The following NRXN3 variants were observed in gnomAD, a reference collection of about 807,000 sequenced individuals.
The protein encoded by NRXN3 is neurexin III.
Under a neutral mutation model 137.6 loss-of-function variants are expected in NRXN3, and 32 were observed. The observed-to-expected ratio is 0.23, with a 90% confidence interval of 0.18 to 0.31. The LOEUF (loss-of-function observed/expected upper bound fraction) is 0.31, where lower values mean the gene tolerates loss of function less well. Among genes scored for constraint, NRXN3 ranks in the 10% least tolerant of loss-of-function variants. The pLI, the probability that NRXN3 is intolerant of heterozygous loss-of-function variation, is 1.00. For missense variants in NRXN3, 1,574 were observed against 2,062.5 expected (o/e 0.76, Z 4.59); for synonymous variants, 798 against 784.5 (o/e 1.02, Z -0.29).
chr14:79,532,978 T>G (rs753872099), intron 16 of NRXN3, among the ~76,000 whole-genome samples: 4 of 152,146 alleles, frequency 2.6e-5, no homozygotes, highest in Non-Finnish European at 5.9e-5. Flanking sequence ...GGTTATGATA[T>G]AAAGAGGAAA....
chr14:78,658,610 C>G (rs1281286616), intron 6 of NRXN3, among the ~76,000 whole-genome samples: 1 of 152,170 alleles, frequency 6.6e-6, no homozygotes, highest in Non-Finnish European at 1.5e-5. Context: ...GAAAATTATA[C>G]AACTTCTCTG....
chr14:78,791,374 C>G (rs960365620), intron 8 of NRXN3, among the ~76,000 whole-genome samples: 3 of 152,048 alleles, frequency 2.0e-5, no homozygotes, highest in Non-Finnish European at 2.9e-5. Flanking sequence ...AAAAGGGGTA[C>G]AACCCAATGT....
intron 15 of NRXN3, among the ~76,000 whole-genome samples, chr14:79,441,980 C>G (rs2095970718): frequency 1.3e-5 from 2 of 151,996 alleles, no homozygotes; most frequent in African/African-American, 2.4e-5. Context: ...CCATGCTTTT[C>G]TCATTTCTTC....
At chr14:78,511,817 G>T (rs1341085865) in intron 4 of NRXN3, among the ~76,000 whole-genome samples, 1 of 152,064 alleles carries the variant, frequency 6.6e-6, no homozygotes, top group Non-Finnish European at 1.5e-5. Flanking sequence ...AGGAGATCTG[G>T]TTCTAGAACC....
intron 19 of NRXN3, among the ~76,000 whole-genome samples, chr14:79,783,407 A>G (rs896482909): frequency 5.9e-5 from 9 of 152,180 alleles, no homozygotes; most frequent in Non-Finnish European, 1.0e-4. Context: ...ATTTTTAGAA[A>G]AGAGAGAGCT....
chr14:78,221,163 A>G (rs1055571644), intron 1 of NRXN3, among the ~76,000 whole-genome samples: 1 of 152,150 alleles, frequency 6.6e-6, no homozygotes, highest in African/African-American at 2.4e-5. Flanking sequence ...ATGATTGACT[A>G]TGCAGCCTCT....
At chr14:78,795,047 T>C (rs1312498221) in intron 8 of NRXN3, among the ~76,000 whole-genome samples, 3 of 152,166 alleles carry the variant, frequency 2.0e-5, no homozygotes, top group African/African-American at 4.8e-5. Context: ...TGAGCTATGA[T>C]TGTGCCACTG....
At chr14:79,105,864 C>T (rs748473111) in intron 15 of NRXN3, among the ~76,000 whole-genome samples, 24 of 152,084 alleles carry the variant, frequency 1.6e-4, no homozygotes, top group South Asian at 1.0e-3. Context: ...GATAAAAACA[C>T]GAATATTTAT....
Position 78,632,310 on chromosome 14 carries a change from A to G in NRXN3, c.758-12810A>G, listed in dbSNP as rs185026706. On this transcript the variant is annotated intron_variant, in intron 4 of 20. Transcript: ENST00000335750. ...GAAAATCTAGCCTTGTTGAGCAGAT[A>G]CAGGTTCCTTTAGCAGCTGGTGAAG... 1.7e-3 allele frequency among the ~76,000 whole-genome samples: 263 copies of G among 152,312 alleles called. 2 individuals are homozygous for G. Among genetic ancestry groups the G allele is most frequent in the African/African-American group, 5.7e-3 (236 of 41,572 alleles).
chr14:79,517,742 T>C (rs2097007911), intron 16 of NRXN3, among the ~76,000 whole-genome samples: 1 of 152,088 alleles, frequency 6.6e-6, no homozygotes, highest in Non-Finnish European at 1.5e-5. Flanking sequence ...TAAGCCTCTG[T>C]TATGATATTT....
intron 4 of NRXN3, among the ~76,000 whole-genome samples, chr14:78,524,398 C>T (rs985139073): frequency 1.3e-5 from 2 of 152,208 alleles, no homozygotes; most frequent in Non-Finnish European, 2.9e-5. Context: ...AATCACTGAA[C>T]CAGAGCCAAG....
rs59529720 is a variant in NRXN3 at position 78,668,819 on chromosome 14, C to A, written c.1221+17493C>A. Reference sequence around the variant, plus strand: ...TCTAGTAAAACTTTATTTAGAAGAGCAGGAAGTGAATTGAATTGGCCCCAG... The same window carrying A: ...TCTAGTAAAACTTTATTTAGAAGAGAAGGAAGTGAATTGAATTGGCCCCAG... On this transcript the variant is annotated intron_variant, in intron 6 of 20. Transcript: ENST00000335750. Among the ~76,000 whole-genome samples the A allele has an allele frequency of 8.2e-3, 1,242 of 152,192 alleles. 24 individuals are homozygous for A. The highest frequency in any genetic ancestry group is 0.028 in the African/African-American group (1,164 of 41,510).
chr14:78,383,928 G>A (rs1401395367), intron 4 of NRXN3, among the ~76,000 whole-genome samples: 1 of 152,162 alleles, frequency 6.6e-6, no homozygotes, highest in African/African-American at 2.4e-5. Context: ...CCAACTGAAG[G>A]TATTACTTTG....
At chr14:78,751,435 T>G (rs772825450) in intron 8 of NRXN3, among the ~76,000 whole-genome samples, 1 of 152,054 alleles carries the variant, frequency 6.6e-6, no homozygotes, top group Non-Finnish European at 1.5e-5. Context: ...ATTCTTTTTT[T>G]TCTCCCTCCC....
At chr14:79,684,051 A>G (rs1247602221) in intron 17 of NRXN3, among the ~76,000 whole-genome samples, 7 of 152,294 alleles carry the variant, frequency 4.6e-5, no homozygotes, top group South Asian at 4.1e-4. Context: ...TAATCTTCCT[A>G]TTCAGGGACT....
rs528060885 is a variant in NRXN3 at position 79,198,959 on chromosome 14, G to A, written c.3262+210818G>A. 4.7e-4 allele frequency among the ~76,000 whole-genome samples: 72 copies of A among 152,318 alleles called. No homozygotes were observed. In the East Asian group the frequency reaches 0.013, roughly 28 times the overall value. ...AGAAAGGCGGATCACGAAGTCAGGA[G>A]ATGGAGACCATCCTGGCTAACATGG... On this transcript the variant is annotated intron_variant, in intron 15 of 20. Transcript: ENST00000335750.
At chr14:78,550,193 C>T (rs1300246683) in intron 4 of NRXN3, among the ~76,000 whole-genome samples, 1 of 152,042 alleles carries the variant, frequency 6.6e-6, no homozygotes, top group African/African-American at 2.4e-5. Flanking sequence ...TGCCACCACG[C>T]CTGGCTAAAT....
At chr14:79,798,836 A>G (rs1247832657) in intron 19 of NRXN3, among the ~76,000 whole-genome samples, 2 of 152,168 alleles carry the variant, frequency 1.3e-5, no homozygotes. Context: ...CCAATAATGG[A>G]TTAATAACGA....
At chr14:78,856,682 T>C (rs1245720984) in intron 10 of NRXN3, among the ~76,000 whole-genome samples, 1 of 152,178 alleles carries the variant, frequency 6.6e-6, no homozygotes. Flanking sequence ...GAGTGTCTTA[T>C]GGATAGGTAA....
Sources: gnomAD v4.1 joint callset for allele counts (sites outside exome capture counted in the v4.1 genomes callset) on GRCh38, gnomAD v4.1.1 for gene constraint, MANE v1.5 for transcripts, NCBI Gene and HGNC (gene_info 2026-07-23, HGNC 2026-07-21) for gene names.